MCCC2: variants seen among roughly 807,000 people sequenced by gnomAD.
MCCC2 encodes methylcrotonyl-CoA carboxylase subunit 2, also known as methylcrotonoyl-CoA carboxylase beta chain, mitochondrial.
Under a neutral mutation model 77.2 loss-of-function variants are expected in MCCC2, and 52 were observed. The ratio of observed to expected loss-of-function variants is 0.67; its 90% CI spans 0.54 to 0.85. MCCC2 has a LOEUF of 0.85. Ranked by LOEUF, MCCC2 falls within the 40% of genes least tolerant of loss-of-function variation. MCCC2 has a pLI of 0.00. For missense variants in MCCC2, 682 were observed against 703.2 expected (o/e 0.97, Z 0.34); for synonymous variants, 253 against 248.4 (o/e 1.02, Z -0.18).
rs542326519 is a variant in MCCC2, at chr5:71,608,717, G to A, written c.624+4249G>A. The stretch of plus-strand genomic sequence containing the variant: ...CTTGATTTTTGCAGTGGCTGGTACC[G>A]GTTGTTCCTTTCCATGTTTAGCGCT... On this transcript the variant is annotated intron_variant, in intron 6 of 16. Transcript: ENST00000340941. 9.8e-4 allele frequency among the ~76,000 whole-genome samples: 149 copies of A among 152,248 alleles called. 1 individual carries two copies. The highest frequency in any genetic ancestry group is 2.0e-3 in the Admixed American group (31 of 15,280).
At chr5:71,647,707 G>A (rs1747308794) in intron 13 of MCCC2, among the ~76,000 whole-genome samples, 1 of 152,138 alleles carries the variant, frequency 6.6e-6, no homozygotes, top group South Asian at 2.1e-4. Context: ...GAATATGGAG[G>A]TAATTTTAAA....
chr5:71,652,240 T>A (rs979926663), intron 15 of MCCC2, among the ~76,000 whole-genome samples: 3 of 152,256 alleles, frequency 2.0e-5, no homozygotes, highest in Non-Finnish European at 4.4e-5. Flanking sequence ...CAAGATTTGG[T>A]TGGTATTTTA....
chr5:71,639,790 C>T (rs1747059051), intron 10 of MCCC2, among the ~76,000 whole-genome samples: 1 of 152,124 alleles, frequency 6.6e-6, no homozygotes, highest in Non-Finnish European at 1.5e-5. Flanking sequence ...ACAATTTTTA[C>T]AGGTATATAG....
At position 71,630,959 on chromosome 5, in the gene MCCC2, G is replaced by C. The variant is rs796282808; in HGVS notation, c.739-1162G>C. Among the ~76,000 whole-genome samples the C allele has an allele frequency of 3.2e-4, 48 of 152,214 alleles. 1 individual carries two copies. The highest frequency in any genetic ancestry group is 1.1e-3 in the African/African-American group (47 of 41,526). On this transcript the variant is annotated intron_variant, in intron 7 of 16. Coordinates refer to ENST00000340941, the MANE Select transcript of MCCC2 (RefSeq NM_022132.5). ...TCCTAAGGGGTTGGATTGGCATTTA[G>C]CCTTAAATTATTTTTCTTTCTTTTT...
intron 1 of MCCC2, among the ~76,000 whole-genome samples, chr5:71,589,245 T>C (rs1159955077): frequency 6.6e-6 from 1 of 152,228 alleles, no homozygotes; most frequent in Non-Finnish European, 1.5e-5. Context: ...AAGGCTTTGG[T>C]GATGGGTTTT....
intron 6 of MCCC2, among the ~76,000 whole-genome samples, chr5:71,621,244 T>C (rs1746339392): frequency 1.3e-5 from 2 of 152,132 alleles, no homozygotes; most frequent in African/African-American, 2.4e-5. Flanking sequence ...CGGTGGCTCA[T>C]GCCTGTACTC....
intron 8 of MCCC2, among the ~76,000 whole-genome samples, chr5:71,633,131 A>ATATATATATTTTTTTTTTAT (rs1554137344): frequency 7.7e-5 from 6 of 78,058 alleles, no homozygotes; most frequent in African/African-American, 1.0e-4. Flanking sequence ...ATATATATAT[A>ATATATATATTTTTTTTTTAT]TTTTTATTTT....
intron 8 of MCCC2, among the ~76,000 whole-genome samples, chr5:71,632,570 G>A (rs887997262): frequency 2.0e-5 from 3 of 152,164 alleles, no homozygotes; most frequent in Admixed American, 2.0e-4. Flanking sequence ...TGGCTGATAC[G>A]CGATAAGGCT....
At chr5:71,604,262 G>A (rs1580283481) in intron 5 of MCCC2, 94 bp from the exon 6 acceptor site, 2 of 1,093,070 alleles carry the variant, frequency 1.8e-6, no homozygotes, top group East Asian at 2.4e-5. Context: ...TTGTGAATGT[G>A]ATTAAGAACT....
chr5:71,614,536 C>G (rs149874055), intron 6 of MCCC2, among the ~76,000 whole-genome samples: 1 of 149,400 alleles, frequency 6.7e-6, no homozygotes, highest in Non-Finnish European at 1.5e-5. Context: ...GGCTGGAGTG[C>G]AGTGGCGTGC....
At chr5:71,615,457 T>G (rs1301834410) in intron 6 of MCCC2, among the ~76,000 whole-genome samples, 1 of 152,178 alleles carries the variant, frequency 6.6e-6, no homozygotes. Context: ...CTTATTTATT[T>G]ATTTATTTTA....
chr5:71,622,337 T>C (rs1436529121), intron 6 of MCCC2, among the ~76,000 whole-genome samples: 1 of 151,950 alleles, frequency 6.6e-6, no homozygotes, highest in Non-Finnish European at 1.5e-5. Flanking sequence ...CCCCCAAAAA[T>C]TAAAAATAAA....
At chr5:71,651,574 A>C (rs922732031) in intron 15 of MCCC2, among the ~76,000 whole-genome samples, 3 of 152,234 alleles carry the variant, frequency 2.0e-5, no homozygotes, top group Non-Finnish European at 4.4e-5. Context: ...CTGTGCAGGA[A>C]TCATCAGGTC....
At chr5:71,604,581 T>TC in intron 6 of MCCC2, 113 bp downstream of exon 6, 1 of 765,288 alleles carries the variant, frequency 1.3e-6, no homozygotes, top group Admixed American at 2.6e-5. Flanking sequence ...CAAAATCTAA[T>TC]CTTTTTTTTT....
At chr5:71,601,531 A>C (rs1382053832) in intron 4 of MCCC2, among the ~76,000 whole-genome samples, 1 of 152,194 alleles carries the variant, frequency 6.6e-6, no homozygotes, top group East Asian at 1.9e-4. Context: ...CTAGGGAATA[A>C]AATTGATGCT....
At chr5:71,623,219 T>A (rs1746415195) in intron 6 of MCCC2, among the ~76,000 whole-genome samples, 2 of 152,194 alleles carry the variant, frequency 1.3e-5, no homozygotes, top group African/African-American at 4.8e-5. Flanking sequence ...CAGAACAAAT[T>A]GTCCCAAAAC....
At chr5:71,607,344 A>C (rs1406782138) in intron 6 of MCCC2, among the ~76,000 whole-genome samples, 1 of 151,408 alleles carries the variant, frequency 6.6e-6, no homozygotes, top group East Asian at 1.9e-4. Context: ...TTTCTTCTAG[A>C]TTTTCTAGTT....
Position 71,633,123 on chromosome 5 carries a change from A to ATTTT in MCCC2, c.803+939_803+940insTTTT, listed in dbSNP as rs1391065508. On this transcript the variant is annotated intron_variant, in intron 8 of 16. Transcript: ENST00000340941. ...TATATATATATATATATATATATAT[A>ATTTT]TATATATATTTTTATTTTTTGTAGA... is the stretch of plus-strand genomic sequence containing the variant. Among the ~76,000 whole-genome samples, 9 of 31,790 alleles carry ATTTT rather than the reference A, an allele frequency of 2.8e-4. 1 individual carries two copies. Among genetic ancestry groups the ATTTT allele is most frequent in the South Asian group, 1.1e-3 (1 of 908 alleles). The allele number at this position is 31,790 out of a possible 152,430, so 20.9% of individuals were successfully genotyped here. A position where few individuals can be genotyped will look rare whatever the true frequency, so the allele number is the denominator to read the frequency against.
intron 4 of MCCC2, among the ~76,000 whole-genome samples, chr5:71,600,744 A>C (rs1240273403): frequency 1.3e-5 from 2 of 152,222 alleles, no homozygotes; most frequent in Admixed American, 6.5e-5. Flanking sequence ...GAGTCTGGGC[A>C]TGGCTGTATC....
Sources: gnomAD v4.1 joint callset for allele counts (sites outside exome capture counted in the v4.1 genomes callset) on GRCh38, gnomAD v4.1.1 for gene constraint, MANE v1.5 for transcripts, NCBI Gene and HGNC (gene_info 2026-07-23, HGNC 2026-07-21) for gene names.